The following UBE2E2 variants were observed in gnomAD, a reference collection of about 807,000 sequenced individuals.
The protein encoded by UBE2E2 is ubiquitin-conjugating enzyme E2 E2.
A neutral mutation model predicts 24.7 loss-of-function variants in UBE2E2; 6 were observed. The ratio of observed to expected loss-of-function variants is 0.24; its 90% CI spans 0.13 to 0.48. The LOEUF (loss-of-function observed/expected upper bound fraction) is 0.48. Among genes scored for constraint, UBE2E2 ranks in the 20% least tolerant of loss-of-function variants. The probability of loss-of-function intolerance (pLI) is 0.99; values close to 1 mark genes in which losing one functional copy is unlikely to be tolerated. For missense variants in UBE2E2, 169 were observed against 245.0 expected, an observed-to-expected ratio of 0.69 and a Z score of 2.07; for synonymous variants, 104 against 83.6, an observed-to-expected ratio of 1.24 and a Z score of -1.33.
chr3:23,397,483 A>G (rs919940853), intron 3 of UBE2E2, among the ~76,000 whole-genome samples: 7 of 152,208 alleles, frequency 4.6e-5, no homozygotes, highest in Non-Finnish European at 1.0e-4. Flanking sequence ...AAAATAGGAC[A>G]TTGCCAGCTT....
chr3:23,473,582 C>T (rs573764579), intron 3 of UBE2E2, among the ~76,000 whole-genome samples: 1 of 152,076 alleles, frequency 6.6e-6, no homozygotes, highest in African/African-American at 2.4e-5. Context: ...CTCTCACCCC[C>T]TTCCCACCCT....
chr3:23,381,013 A>G (rs907956825), intron 3 of UBE2E2, among the ~76,000 whole-genome samples: 18 of 152,134 alleles, frequency 1.2e-4, no homozygotes, highest in African/African-American at 4.3e-4. Flanking sequence ...GGTCCACAGT[A>G]TTGCCATTGA....
intron 3 of UBE2E2, among the ~76,000 whole-genome samples, chr3:23,380,270 A>G (rs895135924): frequency 3.3e-5 from 5 of 152,130 alleles, no homozygotes; most frequent in Non-Finnish European, 7.4e-5. Flanking sequence ...CTCAGGCAGG[A>G]GGGCAGTGGT....
intron 3 of UBE2E2, among the ~76,000 whole-genome samples, chr3:23,272,449 C>T (rs1575523013): frequency 6.6e-6 from 1 of 152,286 alleles, no homozygotes; most frequent in East Asian, 1.9e-4. Flanking sequence ...GAGAGGGGCT[C>T]CCACAGTGCA....
chr3:23,259,456 CA>C (rs1697836814), intron 3 of UBE2E2, among the ~76,000 whole-genome samples: 1 of 151,864 alleles, frequency 6.6e-6, no homozygotes, highest in African/African-American at 2.4e-5. Context: ...GAAAACCTTA[CA>C]TGATGGCTTG....
intron 3 of UBE2E2, among the ~76,000 whole-genome samples, chr3:23,234,649 GC>G (rs1395918147): frequency 6.6e-6 from 1 of 152,148 alleles, no homozygotes; most frequent in Non-Finnish European, 1.5e-5. Context: ...TCTTTTGGAG[GC>G]TTGGGAAGGA....
At chr3:23,456,986 A>G (rs959382954) in intron 3 of UBE2E2, among the ~76,000 whole-genome samples, 3 of 152,212 alleles carry the variant, frequency 2.0e-5, no homozygotes, top group African/African-American at 7.2e-5. Flanking sequence ...TCCATTTACC[A>G]TAATCGAGGA....
intron 2 of UBE2E2, among the ~76,000 whole-genome samples, 170 bp from the exon 3 acceptor site, chr3:23,217,092 C>T (rs1696495583): frequency 6.6e-6 from 1 of 152,074 alleles, no homozygotes; most frequent in Non-Finnish European, 1.5e-5. Context: ...CCTCAAAACC[C>T]TGGCAGAAAT....
chr3:23,298,521 C>A (rs1242017614), intron 3 of UBE2E2, among the ~76,000 whole-genome samples: 1 of 152,040 alleles, frequency 6.6e-6, no homozygotes, highest in Non-Finnish European at 1.5e-5. Context: ...TTGTCAAAGG[C>A]CTTTTCTGCA....
chr3:23,511,429 A>G (rs185659602), intron 4 of UBE2E2, among the ~76,000 whole-genome samples: 1 of 152,228 alleles, frequency 6.6e-6, no homozygotes, highest in Non-Finnish European at 1.5e-5. Flanking sequence ...GTTGCCTGTG[A>G]GGAACTTATG....
chr3:23,552,043 C>T (rs1176205010), intron 5 of UBE2E2, among the ~76,000 whole-genome samples: 1 of 152,182 alleles, frequency 6.6e-6, no homozygotes, highest in African/African-American at 2.4e-5. Context: ...TATAAGCCCC[C>T]AAGAGTCCTC....
chr3:23,270,965 A>G (rs1369471016), intron 3 of UBE2E2: 1 of 456,734 alleles, frequency 2.2e-6, no homozygotes, highest in East Asian at 6.9e-5. Flanking sequence ...TCCTGATTCG[A>G]TCTGCTTGCA....
chr3:23,425,667 A>G (rs1219154730), intron 3 of UBE2E2, among the ~76,000 whole-genome samples: 3 of 152,136 alleles, frequency 2.0e-5, no homozygotes, highest in African/African-American at 7.2e-5. Flanking sequence ...TGCAATTGAT[A>G]AATTGCTGGG....
At chr3:23,377,366 T>C (rs1261896530) in intron 3 of UBE2E2, among the ~76,000 whole-genome samples, 1 of 152,216 alleles carries the variant, frequency 6.6e-6, no homozygotes, top group African/African-American at 2.4e-5. Flanking sequence ...AATTTTGAGG[T>C]AATTATTAAT....
intron 5 of UBE2E2, among the ~76,000 whole-genome samples, chr3:23,580,586 G>A (rs770978858): frequency 1.2e-4 from 19 of 152,100 alleles, no homozygotes; most frequent in Admixed American, 8.5e-4. Context: ...ACTTTATTGC[G>A]GCAGTCTGTA....
At chr3:23,282,122 C>T (rs1041947616) in intron 3 of UBE2E2, among the ~76,000 whole-genome samples, 1 of 152,188 alleles carries the variant, frequency 6.6e-6, no homozygotes, top group Admixed American at 6.5e-5. Flanking sequence ...AAAGCCCAGC[C>T]CTTTCGTCTC....
chr3:23,585,731 T>G (rs1207429563), intron 5 of UBE2E2, among the ~76,000 whole-genome samples: 1 of 152,190 alleles, frequency 6.6e-6, no homozygotes, highest in Non-Finnish European at 1.5e-5. Context: ...GATGATAATC[T>G]CAAATATTAA....
At chr3:23,377,769 A>C (rs1192805431) in intron 3 of UBE2E2, among the ~76,000 whole-genome samples, 2 of 152,252 alleles carry the variant, frequency 1.3e-5, no homozygotes, top group Non-Finnish European at 2.9e-5. Context: ...AGTTAAATGA[A>C]ATAATAGGTA....
At position 23,515,116 on chromosome 3, in the gene UBE2E2, T is replaced by C. The variant is rs960719100; in HGVS notation, c.360+15376T>C. On this transcript the variant is annotated intron_variant, in intron 4 of 5. Coordinates refer to ENST00000396703, the MANE Select transcript of UBE2E2 (RefSeq NM_152653.4). ...AAATAGTTGTAGGGACAAAATAAAC[T>C]TGGGGTGTGTGTGTGTGTGTGTGTG... Among the ~76,000 whole-genome samples the C allele has an allele frequency of 6.8e-5, 8 of 118,276 alleles. No homozygotes were observed. In the South Asian group the frequency reaches 8.6e-4, roughly 13 times the overall value. The allele number at this position is 118,276 out of a possible 152,430, so 77.6% of individuals were successfully genotyped here.
Sources: gnomAD v4.1 joint callset for allele counts (sites outside exome capture counted in the v4.1 genomes callset) on GRCh38, gnomAD v4.1.1 for gene constraint, MANE v1.5 for transcripts, NCBI Gene and HGNC (gene_info 2026-07-23, HGNC 2026-07-21) for gene names.